Variants in SCARA3 observed in about 807,000 individuals in gnomAD.
The protein encoded by SCARA3 is scavenger receptor class A member 3, also known as cellular stress response gene protein.
In SCARA3, 39 loss-of-function variants were observed where a neutral mutation model predicts 47.0. The ratio of observed to expected loss-of-function variants is 0.83; its 90% confidence interval spans 0.64 to 1.08. The LOEUF is 1.08. Among genes scored for constraint, SCARA3 ranks in the 50% least tolerant of loss-of-function variants. The probability of loss-of-function intolerance (pLI) is 0.00; values close to 1 mark genes in which losing one functional copy is unlikely to be tolerated. For synonymous variants in SCARA3, 356 were observed against 334.1 expected (o/e 1.07, Z -0.71); for missense variants, 724 against 792.3 (o/e 0.91, Z 1.04).
chr8:27,636,842 A>G (rs1184442839), intron 1 of SCARA3, among the ~76,000 whole-genome samples: 1 of 152,140 alleles, frequency 6.6e-6, no homozygotes, highest in East Asian at 1.9e-4. Context: ...TCTACCAGAG[A>G]TGGAAATGGC....
At chr8:27,702,624 A>C in the SCARA3 span, 5 of 152,314 alleles carry the variant, frequency 3.3e-5, no homozygotes, top group Non-Finnish European at 7.3e-5. Context: ...CCTTTGTCAG[A>C]ACTCAGTTCT....
intron 1 of SCARA3, among the ~76,000 whole-genome samples, chr8:27,648,862 G>A (rs1307983153): frequency 6.8e-6 from 1 of 146,318 alleles, no homozygotes; most frequent in East Asian, 2.0e-4. Context: ...AAAGGAGGGA[G>A]GAAAGTAGGG....
At chr8:27,728,869 A>G in the SCARA3 span, among the ~76,000 whole-genome samples, 1 of 152,160 alleles carries the variant, frequency 6.6e-6, no homozygotes, top group Non-Finnish European at 1.5e-5. Flanking sequence ...ACACAAAATT[A>G]AAAACTTAGC....
the SCARA3 span, among the ~76,000 whole-genome samples, chr8:27,708,474 A>G: frequency 6.6e-6 from 1 of 152,356 alleles, no homozygotes; most frequent in Non-Finnish European, 1.5e-5. Flanking sequence ...TGGGGGACAT[A>G]GTAAGAGCTA....
intron 3 of SCARA3, among the ~76,000 whole-genome samples, chr8:27,651,982 A>G (rs747936806): frequency 4.6e-5 from 7 of 152,216 alleles, no homozygotes; most frequent in Non-Finnish European, 8.8e-5. Context: ...TTAATTCGGT[A>G]TCTTTCAACT....
At chr8:27,709,297 G>A in the SCARA3 span, among the ~76,000 whole-genome samples, 1 of 152,100 alleles carries the variant, frequency 6.6e-6, no homozygotes, top group Admixed American at 6.6e-5. Flanking sequence ...AAGATTTCTG[G>A]GCCTTACCCA....
At chr8:27,711,766 C>T in the SCARA3 span, among the ~76,000 whole-genome samples, 1 of 151,916 alleles carries the variant, frequency 6.6e-6, no homozygotes, top group African/African-American at 2.4e-5. Context: ...TTTTTTAGAG[C>T]AGTTTTAAAT....
rs905220160 is a variant in SCARA3, at chr8:27,653,861, T to G, written c.226+2234T>G. Among the ~76,000 whole-genome samples, 4 of 152,220 alleles carry G rather than the reference T, an allele frequency of 2.6e-5. No individual in the cohort carries two copies. The South Asian group carries it at 8.3e-4, about 31-fold the overall frequency. ...AGAGCTGATTATGGCCATTTTTTTC[T>G]GTAAAAGGCTACATAGTAAATATTT... On this transcript the variant is annotated intron_variant, in intron 3 of 5. Transcript: ENST00000301904.
the SCARA3 span, among the ~76,000 whole-genome samples, chr8:27,718,896 AC>A: frequency 6.6e-6 from 1 of 152,308 alleles, no homozygotes; most frequent in Middle Eastern, 3.4e-3. Context: ...AAGTGAAAAA[AC>A]AATGATCACT....
intron 1 of SCARA3, among the ~76,000 whole-genome samples, chr8:27,636,507 T>C (rs903943265): frequency 6.6e-6 from 1 of 151,992 alleles, no homozygotes; most frequent in South Asian, 2.1e-4. Flanking sequence ...AAAGAGCTGG[T>C]GTGAATGAAT....
At chr8:27,704,859 G>C in the SCARA3 span, among the ~76,000 whole-genome samples, 2 of 152,312 alleles carry the variant, frequency 1.3e-5, no homozygotes, top group South Asian at 4.1e-4. Flanking sequence ...TCTGGAGGGA[G>C]GCTGAGCTGG....
intron 5 of SCARA3, among the ~76,000 whole-genome samples, chr8:27,659,956 TGC>T (rs1318820646): frequency 6.6e-6 from 1 of 151,638 alleles, no homozygotes; most frequent in Non-Finnish European, 1.5e-5. Flanking sequence ...CTTCTAACTT[TGC>T]CTATTATACA....
In SCARA3 at chr8:27,671,989, A is replaced by G; in HGVS notation, c.*638A>G. 1.0e-6 allele frequency: 1 copy of G among 985,372 alleles called. No individual in the cohort carries two copies. Among genetic ancestry groups the G allele is most frequent in the Non-Finnish European group, 1.2e-6 (1 of 829,918 alleles). 61.0% of individuals were successfully genotyped at this position (985,372 alleles called of 1,614,324 possible). ...CTGTCTCTGGGCACCCATGCTGGCCAGCAGTTTCCCAGGGCTCCCTGGGGT... is the reference window on the plus strand; with the variant it reads ...CTGTCTCTGGGCACCCATGCTGGCCGGCAGTTTCCCAGGGCTCCCTGGGGT... On this transcript the variant is annotated 3_prime_UTR_variant, in exon 6 of 6. Transcript: ENST00000301904.
intron 1 of SCARA3, among the ~76,000 whole-genome samples, chr8:27,638,468 G>A (rs1585269659): frequency 1.3e-5 from 2 of 152,146 alleles, no homozygotes; most frequent in Admixed American, 6.5e-5. Flanking sequence ...TGATCCCATG[G>A]GATGGCATCA....
At chr8:27,723,415 T>C in the SCARA3 span, among the ~76,000 whole-genome samples, 2 of 152,220 alleles carry the variant, frequency 1.3e-5, no homozygotes, top group African/African-American at 4.8e-5. Context: ...GATTCATTTC[T>C]TGTAAGAGTG....
chr8:27,683,055 G>T, the SCARA3 span, among the ~76,000 whole-genome samples: 1 of 151,868 alleles, frequency 6.6e-6, no homozygotes, highest in Admixed American at 6.6e-5. Context: ...AACAAATGTC[G>T]ATCATCAGGA....
intron 1 of SCARA3, among the ~76,000 whole-genome samples, chr8:27,638,140 G>A (rs776013236): frequency 5.3e-5 from 8 of 152,134 alleles, no homozygotes; most frequent in Non-Finnish European, 7.3e-5. Flanking sequence ...AAGGCTCATC[G>A]AGAGCGAGGA....
At chr8:27,701,088 T>TAAAAAAAAAA in the SCARA3 span, 1 of 148,076 alleles carries the variant, frequency 6.8e-6, no homozygotes. Flanking sequence ...TACTCACCAG[T>TAAAAAAAAAA]AAAAAAAAAA....
At chr8:27,718,923 T>G in the SCARA3 span, among the ~76,000 whole-genome samples, 1 of 152,314 alleles carries the variant, frequency 6.6e-6, no homozygotes, top group South Asian at 2.1e-4. Flanking sequence ...TCCCTCTAAA[T>G]CACTTAAGCT....
Sources: allele counts gnomAD v4.1 joint callset (sites outside exome capture counted in the v4.1 genomes callset), GRCh38; gene constraint gnomAD v4.1.1; transcripts MANE v1.5; gene names NCBI Gene and HGNC (gene_info 2026-07-23, HGNC 2026-07-21).